The following MAF variants were observed in gnomAD, a reference collection of about 807,000 sequenced individuals.
The protein encoded by MAF is transcription factor Maf.
MAF carries 10 observed loss-of-function variants against 22.0 expected under a neutral mutation model. The observed-to-expected ratio is 0.45, with a 90% CI of 0.28 to 0.77. The LOEUF (loss-of-function observed/expected upper bound fraction) is 0.77, where lower values mean the gene tolerates loss of function less well. Ranked by LOEUF, MAF falls within the 30% of genes least tolerant of loss-of-function variation. The pLI, the probability that MAF is intolerant of heterozygous loss-of-function variation, is 0.12. For synonymous variants in MAF, 337 were observed against 255.8 expected, an observed-to-expected ratio of 1.32 and a Z score of -3.03; for missense variants, 544 against 548.4, an observed-to-expected ratio of 0.99 and a Z score of 0.08.
At chr16:79,494,425 C>G in the MAF span, among the ~76,000 whole-genome samples, 4 of 152,126 alleles carry the variant, frequency 2.6e-5, no homozygotes, top group Admixed American at 1.3e-4. Flanking sequence ...CTTCCTATAT[C>G]TCAGAAGTAG....
chr16:79,549,255 T>A, the MAF span, among the ~76,000 whole-genome samples: 3 of 152,054 alleles, frequency 2.0e-5, no homozygotes, highest in Admixed American at 6.5e-5. Context: ...GAGTGCTGAG[T>A]GATACATCAG....
the MAF span, among the ~76,000 whole-genome samples, chr16:79,380,710 CT>C: frequency 6.6e-6 from 1 of 152,188 alleles, no homozygotes; most frequent in Non-Finnish European, 1.5e-5. Flanking sequence ...ATGGCATTAG[CT>C]CTGTTATACA....
At chr16:79,288,387 T>C in the MAF span, among the ~76,000 whole-genome samples, 1 of 152,138 alleles carries the variant, frequency 6.6e-6, no homozygotes, top group African/African-American at 2.4e-5. Context: ...ATCCCGAGGC[T>C]GCCATGCTGT....
chr16:79,544,858 C>A, the MAF span, among the ~76,000 whole-genome samples: 4 of 151,904 alleles, frequency 2.6e-5, no homozygotes, highest in African/African-American at 9.7e-5. Flanking sequence ...TACTTACATT[C>A]ATTCATGTTT....
the MAF span, among the ~76,000 whole-genome samples, chr16:79,415,713 G>C: frequency 2.0e-5 from 3 of 151,794 alleles, no homozygotes; most frequent in Non-Finnish European, 4.4e-5. Context: ...ATTAGAAAGG[G>C]CATGGGCTTT....
the MAF span, among the ~76,000 whole-genome samples, chr16:79,393,245 G>C: frequency 3.2e-3 from 485 of 151,950 alleles, 3 homozygotes; most frequent in African/African-American, 0.011. Context: ...CACAATTCCT[G>C]GGCTGTACCT....
At chr16:79,252,925 C>G in the MAF span, among the ~76,000 whole-genome samples, 1 of 152,214 alleles carries the variant, frequency 6.6e-6, no homozygotes, top group Admixed American at 6.5e-5. Flanking sequence ...TAGATGGGAA[C>G]TCCGTACTTT....
the MAF span, among the ~76,000 whole-genome samples, chr16:79,251,401 T>C: frequency 0.13 from 18,914 of 149,642 alleles, 1,444 homozygotes; most frequent in Middle Eastern, 0.19. Flanking sequence ...CTGCAACCTC[T>C]GCCTCTTGGG....
intron 1 of MAF, chr16:79,596,120 G>A (rs1158106932): frequency 1.9e-5 from 20 of 1,061,928 alleles, no homozygotes; most frequent in East Asian, 1.5e-4. Flanking sequence ...ATATTTGTCC[G>A]GCTCCTCTGT....
chr16:79,351,402 A>G, the MAF span, among the ~76,000 whole-genome samples: 2 of 152,276 alleles, frequency 1.3e-5, 1 homozygote, highest in South Asian at 4.2e-4. Flanking sequence ...TTGTGTGTTC[A>G]GGGTTCATGC....
At chr16:79,385,077 C>T in the MAF span, among the ~76,000 whole-genome samples, 2 of 152,118 alleles carry the variant, frequency 1.3e-5, no homozygotes, top group Non-Finnish European at 2.9e-5. Context: ...CATGTACCTG[C>T]CTAGGGAGAT....
chr16:79,527,952 G>C, the MAF span, among the ~76,000 whole-genome samples: 66 of 152,220 alleles, frequency 4.3e-4, no homozygotes, highest in African/African-American at 1.5e-3. Flanking sequence ...GACCAGCCTG[G>C]CCAACATGGC....
At chr16:79,489,774 G>A in the MAF span, among the ~76,000 whole-genome samples, 4 of 152,234 alleles carry the variant, frequency 2.6e-5, no homozygotes, top group Non-Finnish European at 4.4e-5. Flanking sequence ...AAAAGTCCTT[G>A]TGGTTTATCT....
At chr16:79,565,419 A>C in the MAF span, among the ~76,000 whole-genome samples, 1 of 151,606 alleles carries the variant, frequency 6.6e-6, no homozygotes, top group Non-Finnish European at 1.5e-5. Context: ...ACTCTCCCTT[A>C]CCTCCCTTTC....
At chr16:79,266,996 G>C in the MAF span, among the ~76,000 whole-genome samples, 107 of 152,320 alleles carry the variant, frequency 7.0e-4, no homozygotes, top group Middle Eastern at 0.01. Context: ...ATAAACTGTT[G>C]TTGAATGAAT....
At chr16:79,386,490 G>A in the MAF span, among the ~76,000 whole-genome samples, 1 of 152,116 alleles carries the variant, frequency 6.6e-6, no homozygotes, top group Non-Finnish European at 1.5e-5. Context: ...GATGGGGAGT[G>A]GCTGTAAACA....
the MAF span, among the ~76,000 whole-genome samples, chr16:79,377,723 T>C: frequency 1.3e-5 from 2 of 152,308 alleles, no homozygotes; most frequent in South Asian, 4.1e-4. Flanking sequence ...AAGGAAGAGG[T>C]CGAGTTTCAG....
intron 1 of MAF, 199 bp from the exon 2 acceptor site, chr16:79,594,752 T>G: frequency 7.3e-7 from 1 of 1,370,978 alleles, no homozygotes; most frequent in African/African-American, 1.5e-5. Context: ...CCCACTATAC[T>G]TCAAAGTTTT....
chr16:79,226,136 C>T, the MAF span, among the ~76,000 whole-genome samples: 1 of 152,126 alleles, frequency 6.6e-6, no homozygotes, highest in Non-Finnish European at 1.5e-5. Context: ...ACCCAAATGC[C>T]CATCAATGAT....
Sources: allele counts gnomAD v4.1 joint callset (sites outside exome capture counted in the v4.1 genomes callset), GRCh38; gene constraint gnomAD v4.1.1; transcripts MANE v1.5; gene names NCBI Gene and HGNC (gene_info 2026-07-23, HGNC 2026-07-21).